TINCR: variants seen among roughly 807,000 people sequenced by gnomAD.
TINCR encodes the protein TINCR-encoded ubiquitin-like protein.
At chr19:5,566,194 A>G (rs917625403) in intron 1 of TINCR, among the ~76,000 whole-genome samples, 11 of 152,132 alleles carry the variant, frequency 7.2e-5, no homozygotes, top group African/African-American at 2.7e-4. Context: ...GACAGAGAAA[A>G]ACAGCAGAGA....
downstream of TINCR, chr19:5,558,845 A>G (rs2052084920): frequency 6.6e-6 from 1 of 152,164 alleles, no homozygotes; most frequent in South Asian, 2.1e-4. Context: ...TTTGCAACTT[A>G]TGTTTATCTC....
chr19:5,566,859 G>A (rs2052132496), intron 1 of TINCR, among the ~76,000 whole-genome samples: 1 of 151,684 alleles, frequency 6.6e-6, no homozygotes, highest in Non-Finnish European at 1.5e-5. Context: ...AGAGACCAGA[G>A]AGGGAGACAG....
chr19:5,563,418 G>C lies in TINCR; in HGVS notation c.261-469C>G, dbSNP rs2052111412. 6.6e-6 allele frequency among the ~76,000 whole-genome samples: 1 copy of C among 152,194 alleles called. No individual in the cohort carries two copies. Among genetic ancestry groups the C allele is most frequent in the African/African-American group, 2.4e-5 (1 of 41,450 alleles). On this transcript the variant is annotated intron_variant, in intron 1 of 1. Transcript: ENST00000646160. The surrounding 1 kb of genome is among the most constrained non-coding windows in gnomAD (Gnocchi z 4.7). Reference sequence around the variant, plus strand: ...GCGGAGCTGATGGAACCAGCTGAAGGACAGATAGAGGGGCTTGGGAGGAAG... The same window carrying C: ...GCGGAGCTGATGGAACCAGCTGAAGCACAGATAGAGGGGCTTGGGAGGAAG...
downstream of TINCR, chr19:5,561,975 T>C (rs1043690284): frequency 1.3e-5 from 2 of 152,334 alleles, no homozygotes; most frequent in African/African-American, 2.4e-5. Flanking sequence ...AGGGGGATGA[T>C]GGTCAATAAC....
At chr19:5,562,042 C>G (rs755376608), downstream of TINCR, 4 of 152,870 alleles carry the variant, frequency 2.6e-5, no homozygotes, top group East Asian at 1.9e-4. This position sits in a 1 kb window ranked among gnomAD's most constrained non-coding sequence, Gnocchi z 4.4. Flanking sequence ...TCCACAATCT[C>G]TAAGGTCCTT....
Position 5,562,684 on chromosome 19 carries a change from C to T in TINCR, c.*163G>A, listed in dbSNP as rs1568193003. ...TTATTTCTTTAGAGACGGAGTTTCA[C>T]CCTGTCACCCAGACTAGAGTGTAAT... On this transcript the variant is annotated 3_prime_UTR_variant, in exon 2 of 2. Transcript: ENST00000646160. The surrounding 1 kb of genome is among the most constrained non-coding windows in gnomAD (Gnocchi z 4.4). 6.6e-6 allele frequency: 1 copy of T among 152,206 alleles called. No individual in the cohort carries two copies. Among genetic ancestry groups the T allele is most frequent in the African/African-American group, 2.4e-5 (1 of 41,460 alleles). 9.4% of individuals were successfully genotyped at this position (152,206 alleles called of 1,614,324 possible). A position where few individuals can be genotyped will look rare whatever the true frequency, so the allele number is the denominator to read the frequency against.
At chr19:5,567,906 C>G (rs1023270164) in exon 1 of TINCR, 6 of 387,750 alleles carry the variant, frequency 1.5e-5, no homozygotes, top group African/African-American at 1.3e-4. Flanking sequence ...CGCGACAGCC[C>G]CCGCCGCAGC....
chr19:5,566,376 C>G (rs531544687), intron 1 of TINCR, among the ~76,000 whole-genome samples: 9 of 150,044 alleles, frequency 6.0e-5, no homozygotes, highest in South Asian at 2.1e-4. Flanking sequence ...ACAAAAGAGA[C>G]ACACAGAGAG....
intron 1 of TINCR, 30 bp downstream of exon 1, chr19:5,567,635 G>GCCCCA (rs1555682175): frequency 1.4e-4 from 17 of 122,530 alleles, no homozygotes; most frequent in South Asian, 4.5e-4. Context: ...CGCCGCCCCC[G>GCCCCA]CCCCACCCCA....
rs1030662398 is a variant in TINCR, at chr19:5,562,944, G to A, written c.266C>T (p.Ala89Val). 5.9e-5 allele frequency: 9 copies of A among 152,330 alleles called. No individual in the cohort carries two copies. Among genetic ancestry groups the A allele is most frequent in the South Asian group, 4.1e-4 (2 of 4,832 alleles). 9.4% of individuals were successfully genotyped at this position (152,330 alleles called of 1,614,324 possible). The change falls in exon 2 of 2, where the codon GCG becomes GTG. Residue 89 changes from alanine (A) to valine (V), a missense_variant. Physicochemically the swap from Ala to Val is moderately conservative, Grantham distance 64. Transcript: ENST00000646160. This position sits in a 1 kb window ranked among gnomAD's most constrained non-coding sequence, Gnocchi z 4.4. ...TGGGATTGCGGGTGTGAGCCGCTGC[G>A]CCTCGCTGGAATGCAATTTTAAACA...
At chr19:5,566,220 C>T (rs777133491) in intron 1 of TINCR, among the ~76,000 whole-genome samples, 2 of 151,604 alleles carry the variant, frequency 1.3e-5, no homozygotes, top group Admixed American at 6.6e-5. Context: ...GCAGAGACAC[C>T]AGAGAGATAA....
downstream of TINCR, chr19:5,560,865 G>C (rs1033503240): frequency 6.5e-6 from 1 of 153,164 alleles, no homozygotes; most frequent in East Asian, 1.9e-4. This position sits in a 1 kb window ranked among gnomAD's most constrained non-coding sequence, Gnocchi z 4.5. Flanking sequence ...ACGACTGGCT[G>C]CACCCCCAGC....
chr19:5,561,774 G>A (rs891219771), downstream of TINCR: 1 of 152,152 alleles, frequency 6.6e-6, no homozygotes, highest in Non-Finnish European at 1.5e-5. Context: ...AAAGAGTGCA[G>A]TAAAGCCAAA....
In TINCR at chr19:5,563,424, T is replaced by C. The variant is rs2052111429; in HGVS notation, c.261-475A>G. Among the ~76,000 whole-genome samples, 1 of 152,034 alleles carries C rather than the reference T, an allele frequency of 6.6e-6. No individual in the cohort carries two copies. Among genetic ancestry groups the C allele is most frequent in the South Asian group, 2.1e-4 (1 of 4,824 alleles). On this transcript the variant is annotated intron_variant, in intron 1 of 1. Coordinates refer to ENST00000646160, the Ensembl canonical transcript of TINCR. This position sits in a 1 kb window ranked among gnomAD's most constrained non-coding sequence, Gnocchi z 4.7. ...CTGATGGAACCAGCTGAAGGACAGATAGAGGGGCTTGGGAGGAAGAGAGGA... is the reference window on the plus strand; with the variant it reads ...CTGATGGAACCAGCTGAAGGACAGACAGAGGGGCTTGGGAGGAAGAGAGGA...
At chr19:5,559,889 G>C (rs45575840), downstream of TINCR, 70,407 of 152,132 alleles carry the variant, frequency 0.46, 16,728 homozygotes, top group East Asian at 0.72. Flanking sequence ...TCCCCCTGCT[G>C]TGTGTCCCTG....
intron 1 of TINCR, among the ~76,000 whole-genome samples, chr19:5,566,683 G>A (rs941753752): frequency 6.6e-6 from 1 of 151,038 alleles, no homozygotes; most frequent in Non-Finnish European, 1.5e-5. Flanking sequence ...CAGACACAGA[G>A]AAAAACAGAG....
At chr19:5,567,301 AAG>A (rs916360152) in intron 1 of TINCR, among the ~76,000 whole-genome samples, 9 of 152,064 alleles carry the variant, frequency 5.9e-5, no homozygotes, top group African/African-American at 2.2e-4. Flanking sequence ...GCACAGAGAT[AAG>A]AGTCAGAGAC....
exon 1 of TINCR, chr19:5,567,874 C>G (rs1490945575): frequency 1.3e-5 from 5 of 392,010 alleles, no homozygotes; most frequent in African/African-American, 1.0e-4. Flanking sequence ...CCAGGTGCAC[C>G]TTGATGTGGT....
chr19:5,567,571 C>T (rs865850237), intron 1 of TINCR, 94 bp downstream of exon 1: 1 of 373,766 alleles, frequency 2.7e-6, no homozygotes, highest in African/African-American at 2.1e-5. Flanking sequence ...AGTGCCGGCC[C>T]GGGAGGCCGC....
Sources: allele counts gnomAD v4.1 joint callset (sites outside exome capture counted in the v4.1 genomes callset), GRCh38; gene constraint gnomAD v4.1.1; non-coding constraint Gnocchi (gnomAD v3.1); transcripts MANE v1.5; gene names NCBI Gene and HGNC (gene_info 2026-07-23, HGNC 2026-07-21).